Variants in PTPRG observed in about 807,000 individuals in gnomAD.
The protein encoded by PTPRG is receptor-type tyrosine-protein phosphatase gamma.
A neutral mutation model predicts 165.3 loss-of-function variants in PTPRG; 102 were observed. That is an observed-to-expected ratio of 0.62 (90% CI 0.53 to 0.73). PTPRG has a LOEUF of 0.73. Ranked by LOEUF, PTPRG falls within the 30% of genes least tolerant of loss-of-function variation. The pLI is 0.00. For missense variants in PTPRG, 1,866 were observed against 1,861.4 expected, an observed-to-expected ratio of 1.00 and a Z score of -0.05; for synonymous variants, 675 against 669.5, an observed-to-expected ratio of 1.01 and a Z score of -0.13.
At chr3:61,759,767 A>C (rs966206781) in intron 2 of PTPRG, among the ~76,000 whole-genome samples, 1 of 151,600 alleles carries the variant, frequency 6.6e-6, no homozygotes, top group South Asian at 2.1e-4. Context: ...CAAATATTTG[A>C]CTTTCACATA....
chr3:62,001,741 G>A lies in PTPRG; in HGVS notation c.371-1608G>A, dbSNP rs906213365. On this transcript the variant is annotated intron_variant, in intron 3 of 29. Transcript: ENST00000474889. ...AAAAGTCGGTAATATTTCATGACAC[G>A]TTGAAAATTTTGTCAAATTTAAATA... Among the ~76,000 whole-genome samples the A allele has an allele frequency of 2.0e-5, 3 of 152,184 alleles. No homozygotes were observed. The East Asian group carries it at 5.8e-4, about 29-fold the overall frequency.
At chr3:61,564,886 TGGCTTTCTCGA>T (rs1699868634) in intron 1 of PTPRG, among the ~76,000 whole-genome samples, 1 of 152,238 alleles carries the variant, frequency 6.6e-6, no homozygotes, top group Non-Finnish European at 1.5e-5. Context: ...ATGCTGCTCC[TGGCTTTCTCGA>T]AACCCGCTGG....
intron 4 of PTPRG, among the ~76,000 whole-genome samples, chr3:62,067,015 C>T (rs915192829): frequency 3.1e-5 from 4 of 127,866 alleles, no homozygotes; most frequent in South Asian, 2.7e-4. Flanking sequence ...TCCAGCTTGG[C>T]GACAAAGTGA....
chr3:62,081,623 G>C (rs1205001799), intron 5 of PTPRG, among the ~76,000 whole-genome samples: 1 of 152,184 alleles, frequency 6.6e-6, no homozygotes, highest in Non-Finnish European at 1.5e-5. Flanking sequence ...GGGATTATAG[G>C]CGTCAGCCAC....
intron 2 of PTPRG, among the ~76,000 whole-genome samples, chr3:61,851,140 A>T (rs1203726069): frequency 6.6e-6 from 1 of 152,202 alleles, no homozygotes; most frequent in African/African-American, 2.4e-5. Flanking sequence ...GCTGTCAGTC[A>T]GTGTTGCAAA....
At position 62,214,308 on chromosome 3, in the gene PTPRG, G is replaced by T. The variant is rs1453497147; in HGVS notation, c.2156-4543G>T. Among the ~76,000 whole-genome samples, 1 of 152,202 alleles carries T rather than the reference G, an allele frequency of 6.6e-6. No individual in the cohort carries two copies. Among genetic ancestry groups the T allele is most frequent in the Non-Finnish European group, 1.5e-5 (1 of 68,034 alleles). On this transcript the variant is annotated intron_variant, in intron 12 of 29. Transcript: ENST00000474889. The surrounding 1 kb of genome is among the most constrained non-coding windows in gnomAD (Gnocchi z 5.2). ...TAAGTAATGATGCTGTTGCTAGGAT[G>T]GTGGCGGGTGATGGTGTTGCCGAAG... is the stretch of plus-strand genomic sequence containing the variant.
chr3:61,674,191 A>G (rs1025229998), intron 1 of PTPRG, among the ~76,000 whole-genome samples: 5 of 152,070 alleles, frequency 3.3e-5, no homozygotes, highest in Non-Finnish European at 7.4e-5. Context: ...AATAAAAAAA[A>G]AAAAGAAACA....
chr3:61,634,440 A>G (rs1312145969), intron 1 of PTPRG, among the ~76,000 whole-genome samples: 1 of 151,888 alleles, frequency 6.6e-6, no homozygotes, highest in African/African-American at 2.4e-5. Flanking sequence ...GGGTTTCAGT[A>G]TGTTGGCCAG....
chr3:61,720,860 A>T (rs570290076), intron 1 of PTPRG, among the ~76,000 whole-genome samples: 12 of 152,340 alleles, frequency 7.9e-5, no homozygotes, highest in Admixed American at 3.9e-4. Flanking sequence ...GTGGCAAAAC[A>T]CTGGCCATTA....
At chr3:62,272,839 C>T (rs1702110273) in intron 21 of PTPRG, 107 bp from the exon 22 acceptor site, 2 of 1,285,566 alleles carry the variant, frequency 1.6e-6, no homozygotes, top group Non-Finnish European at 2.1e-6. Context: ...TCCATCTCAT[C>T]TCAGAAAAAT....
intron 2 of PTPRG, among the ~76,000 whole-genome samples, chr3:61,910,377 G>C (rs773849441): frequency 1.7e-4 from 26 of 152,290 alleles, no homozygotes; most frequent in Non-Finnish European, 3.1e-4. Context: ...AGTCATATGA[G>C]CTTACCAAAG....
chr3:62,231,284 C>T lies in PTPRG; in HGVS notation c.2348C>T (p.Ser783Phe). Residue 783 changes from serine to phenylalanine, a missense_variant, in exon 14 of 30, where the codon TCT (serine) becomes TTT (phenylalanine). Coordinates refer to ENST00000474889, the MANE Select transcript of PTPRG (RefSeq NM_002841.4). ...FPRRFREVPS[S>F]GERGEKGSRK... ...AGACGTTTCCGTGAAGTGCCTTCTT[C>T]TGGGGAGAGAGGAGAGAAGGGGAGC... 6.3e-7 allele frequency: 1 copy of T among 1,596,092 alleles called. No individual in the cohort carries two copies. Among genetic ancestry groups the T allele is most frequent in the South Asian group, 1.1e-5 (1 of 87,870 alleles).
At chr3:62,163,069 C>T (rs922159267) in intron 7 of PTPRG, among the ~76,000 whole-genome samples, 7 of 152,102 alleles carry the variant, frequency 4.6e-5, no homozygotes, top group Admixed American at 1.3e-4. Flanking sequence ...AAAGGGGAGG[C>T]GCTACACACT....
In PTPRG at chr3:62,240,526, C is replaced by T. The variant is rs1701136162; in HGVS notation, c.2376-3281C>T. Among the ~76,000 whole-genome samples, 1 of 152,160 alleles carries T rather than the reference C, an allele frequency of 6.6e-6. No homozygotes were observed. The highest frequency in any genetic ancestry group is 2.4e-5 in the African/African-American group (1 of 41,428). The stretch of plus-strand genomic sequence containing the variant: ...TCTGAAAGAAGCAAATCAGATGGTG[C>T]CTCTCCATGGATTAAAGCCTTTCAT... On this transcript the variant is annotated intron_variant, in intron 14 of 29. Transcript: ENST00000474889. This position sits in a 1 kb window ranked among gnomAD's most constrained non-coding sequence, Gnocchi z 5.1.
At position 62,288,734 on chromosome 3, in the gene PTPRG, T is replaced by C. The variant is rs141786635; in HGVS notation, c.4056-3687T>C. 3.3e-3 allele frequency among the ~76,000 whole-genome samples: 501 copies of C among 152,178 alleles called. 3 individuals are homozygous for C. The highest frequency in any genetic ancestry group is 0.012 in the African/African-American group (484 of 41,522). ...CTTAGGTGTGATAGTGTGTTTTCTT[T>C]AAATGCTTATCTTTTAGAGTTTGAT... On this transcript the variant is annotated intron_variant, in intron 28 of 29. Transcript: ENST00000474889.
chr3:62,028,337 G>T (rs550235656), intron 4 of PTPRG, among the ~76,000 whole-genome samples: 1 of 152,262 alleles, frequency 6.6e-6, no homozygotes, highest in Non-Finnish European at 1.5e-5. Context: ...ACATTTTTAA[G>T]AGTTGAATCT....
intron 2 of PTPRG, among the ~76,000 whole-genome samples, chr3:61,878,650 T>C (rs1000765479): frequency 2.0e-5 from 3 of 152,100 alleles, no homozygotes; most frequent in African/African-American, 7.2e-5. Context: ...TGTGCTACCA[T>C]GCCTGGCTAA....
At chr3:61,616,957 G>A (rs748522188) in intron 1 of PTPRG, among the ~76,000 whole-genome samples, 1 of 152,194 alleles carries the variant, frequency 6.6e-6, no homozygotes, top group Non-Finnish European at 1.5e-5. Context: ...AACTCAGTAA[G>A]AGGGGCATAA....
intron 17 of PTPRG, among the ~76,000 whole-genome samples, chr3:62,264,960 TAAA>T (rs34009731): frequency 1.4e-5 from 2 of 143,010 alleles, no homozygotes. Context: ...TCTTACTATT[TAAA>T]AAAAAAAAAA....
Sources: allele counts gnomAD v4.1 joint callset (sites outside exome capture counted in the v4.1 genomes callset), GRCh38; gene constraint gnomAD v4.1.1; non-coding constraint Gnocchi (gnomAD v3.1); transcripts MANE v1.5; gene names NCBI Gene and HGNC (gene_info 2026-07-23, HGNC 2026-07-21).